HAL: variants seen among roughly 807,000 people sequenced by gnomAD.
The protein encoded by HAL is histidase.
In HAL, 85 loss-of-function variants were observed where a neutral mutation model predicts 81.1. The observed-to-expected ratio is 1.05, with a 90% CI of 0.88 to 1.25. HAL has a LOEUF of 1.25. Ranked by LOEUF, HAL falls within the 50% of genes most tolerant of loss-of-function variation. The pLI is 0.00. For missense variants in HAL, 798 were observed against 836.6 expected, an observed-to-expected ratio of 0.95 and a Z score of 0.57; for synonymous variants, 301 against 309.2, an observed-to-expected ratio of 0.97 and a Z score of 0.28.
intron 10 of HAL, among the ~76,000 whole-genome samples, chr12:95,989,071 G>C (rs2136818826): frequency 6.6e-6 from 1 of 152,354 alleles, no homozygotes; most frequent in South Asian, 2.1e-4. Flanking sequence ...TGGGAAGTGG[G>C]TGGGGTGCAG....
rs2080672294 is a variant in HAL at position 95,973,066 on chromosome 12, T to C, written c.*1166A>G. 1 of 152,224 alleles carries C rather than the reference T, an allele frequency of 6.6e-6. No homozygotes were observed. Among genetic ancestry groups the C allele is most frequent in the Non-Finnish European group, 1.5e-5 (1 of 68,042 alleles). The allele number at this position is 152,224 out of a possible 1,614,324, so 9.4% of individuals were successfully genotyped here. A position where few individuals can be genotyped will look rare whatever the true frequency, so the allele number is the denominator to read the frequency against. The stretch of plus-strand genomic sequence containing the variant: ...GTGAAAACTCTATTGTGAAATCCAC[T>C]GTTCGGCCCATTTTAGATGGCAATT... On this transcript the variant is annotated 3_prime_UTR_variant, in exon 21 of 21. Transcript: ENST00000261208.
chr12:95,974,091 C>A lies in HAL; in HGVS notation c.*141G>T. The A allele has an allele frequency of 1.2e-6, 1 of 815,774 alleles. No individual in the cohort carries two copies. Among genetic ancestry groups the A allele is most frequent in the South Asian group, 1.4e-5 (1 of 73,768 alleles). The allele number at this position is 815,774 out of a possible 1,614,324, so 50.5% of individuals were successfully genotyped here. On this transcript the variant is annotated 3_prime_UTR_variant, in exon 21 of 21. Transcript: ENST00000261208. The stretch of plus-strand genomic sequence containing the variant: ...TAGCAACTATAATACTGCCATCAGC[C>A]TAACCAACGTAGGCTTTAGAAGAAC...
intron 20 of HAL, among the ~76,000 whole-genome samples, chr12:95,975,870 A>G (rs991653880): frequency 4.6e-5 from 7 of 152,226 alleles, no homozygotes; most frequent in Admixed American, 2.6e-4. Context: ...CAAAAACGAT[A>G]TTTAAAAGAT....
Position 95,980,681 on chromosome 12 carries a change from G to C in HAL, c.1394C>G (p.Ala465Gly). 2 of 1,613,852 alleles carry C rather than the reference G, an allele frequency of 1.2e-6. No homozygotes were observed. Among genetic ancestry groups the C allele is most frequent in the Non-Finnish European group, 1.7e-6 (2 of 1,179,730 alleles). Residue 465 changes from alanine to glycine, a missense_variant, in exon 17 of 21, where the codon GCA (alanine) becomes GGA (glycine). Transcript: ENST00000261208. Reference protein sequence around the residue: ...YLAIGIHELAAISERRIERLC... With the variant: ...YLAIGIHELAGISERRIERLC... Reference sequence around the variant, plus strand: ...CCGCTCGATTCTTCTCTCACTGATTGCAGCAAGTTCATGGATGCCAATGGC... The same window carrying C: ...CCGCTCGATTCTTCTCTCACTGATTCCAGCAAGTTCATGGATGCCAATGGC...
At position 95,976,598 on chromosome 12, in the gene HAL, C is replaced by T. The variant is rs750784487; in HGVS notation, c.1763G>A (p.Arg588Lys). Reference sequence around the variant, plus strand: ...TTTTCAGAGACCTGTTTGATCTTACCTTACAACAGAGCGCACCAGGTCATA... The same window carrying T: ...TTTTCAGAGACCTGTTTGATCTTACTTTACAACAGAGCGCACCAGGTCATA... ...KVYDLVRSVV[R>K]PWIKDRFMAP... The change falls in exon 19 of 21, where the codon AGG becomes AAG. Residue 588 changes from arginine (R) to lysine (K), a missense_variant and splice_region_variant. Physicochemically the swap from Arg to Lys is conservative, Grantham distance 26 (BLOSUM62 2). Coordinates refer to ENST00000261208, the MANE Select transcript of HAL (RefSeq NM_002108.4). 1.9e-6 allele frequency: 3 copies of T among 1,604,308 alleles called. No individual in the cohort carries two copies. The highest frequency in any genetic ancestry group is 2.6e-6 in the Non-Finnish European group (3 of 1,171,136).
chr12:95,992,485 T>C (rs903490256), intron 9 of HAL, among the ~76,000 whole-genome samples, 195 bp downstream of exon 9: 2 of 152,240 alleles, frequency 1.3e-5, no homozygotes, highest in African/African-American at 4.8e-5. Flanking sequence ...TTAAAGTTCA[T>C]AGGAGTAAGC....
chr12:95,977,015 C>T (rs1023030524), intron 18 of HAL, among the ~76,000 whole-genome samples: 9 of 152,310 alleles, frequency 5.9e-5, no homozygotes, highest in East Asian at 3.9e-4. Context: ...CCCCCATTCA[C>T]ATCCTCTAAC....
Position 95,987,184 on chromosome 12 carries a change from T to C in HAL, c.934A>G (p.Ile312Val), listed in dbSNP as rs1592845617. 1 of 1,613,676 alleles carries C rather than the reference T, an allele frequency of 6.2e-7. No individual in the cohort carries two copies. Among genetic ancestry groups the C allele is most frequent in the African/African-American group, 1.3e-5 (1 of 75,020 alleles). The change falls in exon 12 of 21, where the codon ATC becomes GTC. Residue 312 changes from isoleucine (I) to valine (V), a missense_variant. By Grantham distance (29) the Ile-to-Val change is conservative (BLOSUM62 3). Transcript: ENST00000261208. ...GLALINGTQM[I>V]TSLGCEAVER... ...ACAGCTTCACAGCCCAGGGATGTGA[T>C]CATCTGCGTCCCATTGATGAGTGCC...
chr12:95,987,315 A>C (rs918299811), intron 11 of HAL, 101 bp from the exon 12 acceptor site: 1 of 922,654 alleles, frequency 1.1e-6, no homozygotes, highest in African/African-American at 1.6e-5. Flanking sequence ...AAAATTAGCC[A>C]GTCATAAACA....
intron 17 of HAL, 121 bp from the exon 18 acceptor site, chr12:95,978,199 A>G: frequency 2.5e-6 from 2 of 796,630 alleles, no homozygotes; most frequent in Non-Finnish European, 4.3e-6. Context: ...CTTGGACATT[A>G]TCCAAGCACC....
intron 14 of HAL, among the ~76,000 whole-genome samples, chr12:95,985,026 A>G (rs1949863422): frequency 6.6e-6 from 1 of 152,216 alleles, no homozygotes; most frequent in African/African-American, 2.4e-5. Context: ...TGTAATACAG[A>G]TGCCTAATGC....
At chr12:95,995,417 G>C (rs1565995445) in intron 2 of HAL, among the ~76,000 whole-genome samples, 2 of 152,214 alleles carry the variant, frequency 1.3e-5, no homozygotes, top group African/African-American at 4.8e-5. Context: ...CTTACTAGCT[G>C]CTGGAGTCTG....
In HAL at chr12:95,985,979, T is replaced by C; in HGVS notation, c.1148-13A>G. ...AACCTGTGACTCTCTGTGGAAGAGG[T>C]GGAGGGGATGAGACAGGGATCATGT... On this transcript the variant is annotated splice_polypyrimidine_tract_variant and intron_variant, in intron 13 of 20. Coordinates refer to ENST00000261208, the MANE Select transcript of HAL (RefSeq NM_002108.4). The C allele has an allele frequency of 6.2e-7, 1 of 1,606,260 alleles. No homozygotes were observed. The highest frequency in any genetic ancestry group is 8.5e-7 in the Non-Finnish European group (1 of 1,174,696).
chr12:95,974,470 C>T, intron 20 of HAL, 98 bp from the exon 21 acceptor site: 1 of 1,026,130 alleles, frequency 9.7e-7, no homozygotes, highest in South Asian at 1.3e-5. Flanking sequence ...ATACTCTATA[C>T]ATGACCAGAC....
rs766996813 is a variant in HAL at position 95,983,892 on chromosome 12, G to C, written c.1287+19C>G. On this transcript the variant is annotated intron_variant, in intron 15 of 20. Transcript: ENST00000261208. ...GCTGCAATTCTATAATTGCAGGTTA[G>C]TATACAATCAAAAGATACAGGATTA... 5 of 1,254,150 alleles carry C rather than the reference G, an allele frequency of 4.0e-6. No homozygotes were observed. The highest frequency in any genetic ancestry group is 4.7e-6 in the Non-Finnish European group (4 of 853,178). The allele number at this position is 1,254,150 out of a possible 1,614,324, so 77.7% of individuals were successfully genotyped here.
At chr12:95,975,086 T>G (rs925416370) in intron 20 of HAL, among the ~76,000 whole-genome samples, 3 of 152,242 alleles carry the variant, frequency 2.0e-5, no homozygotes, top group African/African-American at 7.2e-5. Flanking sequence ...TAAAAGGCAG[T>G]GAATTGTATT....
intron 8 of HAL, among the ~76,000 whole-genome samples, 194 bp downstream of exon 8, chr12:95,993,257 C>T (rs2136826936): frequency 6.6e-6 from 1 of 152,314 alleles, no homozygotes; most frequent in Middle Eastern, 3.4e-3. Context: ...CAACCCCATC[C>T]CTCCACCTGG....
chr12:95,992,801 A>C lies in HAL; in HGVS notation c.594T>G (p.Val198=). Residue 198 remains valine (V), a synonymous_variant, in exon 9 of 21, where the codon GTT becomes GTG. Coordinates refer to ENST00000261208, the MANE Select transcript of HAL (RefSeq NM_002108.4). ...VNLVRSHSSG[V]GKPLSPERCR... ...ACCTCTCAGGACTTAGTGGTTTCCC[A>C]ACACCTGCAAAACAGAATTGATGTT... 2 of 1,612,966 alleles carry C rather than the reference A, an allele frequency of 1.2e-6. No homozygotes were observed. The highest frequency in any genetic ancestry group is 1.7e-6 in the Non-Finnish European group (2 of 1,179,024).
intron 15 of HAL, 72 bp from the exon 16 acceptor site, chr12:95,980,935 T>C: frequency 1.1e-6 from 1 of 899,438 alleles, no homozygotes; most frequent in South Asian, 1.3e-5. Flanking sequence ...CCTGCCTTCT[T>C]TTTTAACGTG....
Sources: allele counts gnomAD v4.1 joint callset (sites outside exome capture counted in the v4.1 genomes callset), GRCh38; gene constraint gnomAD v4.1.1; transcripts MANE v1.5; gene names NCBI Gene and HGNC (gene_info 2026-07-23, HGNC 2026-07-21).